Variants in CDYL2 observed in about 807,000 individuals in gnomAD.
The protein encoded by CDYL2 is chromodomain Y-like protein 2.
Under a neutral mutation model 49.4 loss-of-function variants are expected in CDYL2, and 23 were observed. That is an observed-to-expected ratio of 0.47 (90% confidence interval 0.34 to 0.66). The LOEUF (loss-of-function observed/expected upper bound fraction) is 0.66, where lower values mean the gene tolerates loss of function less well. Ranked by LOEUF, CDYL2 falls within the 30% of genes least tolerant of loss-of-function variation. The probability of loss-of-function intolerance (pLI) is 0.01; values close to 1 mark genes in which losing one functional copy is unlikely to be tolerated. For synonymous variants in CDYL2, 360 were observed against 268.8 expected (o/e 1.34, Z -3.32); for missense variants, 678 against 656.4 (o/e 1.03, Z -0.36).
In CDYL2 at chr16:80,741,184, A is replaced by G. The variant is rs144390951; in HGVS notation, c.25-56055T>C. On this transcript the variant is annotated intron_variant, in intron 1 of 6. Transcript: ENST00000570137. ...ATAATATATATATAACATGTACTAT[A>G]TAAGATGTGTGTATAAGAATTTTAT... is the stretch of plus-strand genomic sequence containing the variant. Among the ~76,000 whole-genome samples the G allele has an allele frequency of 1.3e-3, 202 of 149,634 alleles. 5 individuals carry two copies. In the East Asian group the frequency reaches 0.027, roughly 20 times the overall value.
At chr16:80,615,793 C>G (rs1906801594) in intron 4 of CDYL2, among the ~76,000 whole-genome samples, 1 of 152,152 alleles carries the variant, frequency 6.6e-6, no homozygotes, top group African/African-American at 2.4e-5. Context: ...CCTGTGTCAT[C>G]CAATCTGCCT....
At chr16:80,698,537 C>T (rs9928957) in intron 1 of CDYL2, among the ~76,000 whole-genome samples, 82,781 of 151,858 alleles carry the variant, frequency 0.55, 23,676 homozygotes, top group Middle Eastern at 0.71. Context: ...AAATCTCATG[C>T]TGAATTATAA....
In CDYL2 at chr16:80,777,259, C is replaced by G. The variant is rs78240420; in HGVS notation, c.24+26891G>C. On this transcript the variant is annotated intron_variant, in intron 1 of 6. Coordinates refer to ENST00000570137, the MANE Select transcript of CDYL2 (RefSeq NM_152342.4). ...GATGTCCTTTTTTAAAACTATGTGT[C>G]GAGTACACTCAATATGATTATTAAA... is the stretch of plus-strand genomic sequence containing the variant. Among the ~76,000 whole-genome samples, 711 of 151,858 alleles carry G rather than the reference C, an allele frequency of 4.7e-3. 3 individuals are homozygous for G. The highest frequency in any genetic ancestry group is 7.3e-3 in the Non-Finnish European group (496 of 67,956).
intron 2 of CDYL2, among the ~76,000 whole-genome samples, chr16:80,643,699 G>A (rs1908206395): frequency 6.6e-6 from 1 of 152,240 alleles, no homozygotes; most frequent in African/African-American, 2.4e-5. Context: ...TGCACCCTCT[G>A]AAGCCATGGC....
chr16:80,628,558 A>G (rs1323800131), intron 3 of CDYL2, among the ~76,000 whole-genome samples: 5 of 152,210 alleles, frequency 3.3e-5, no homozygotes, highest in Non-Finnish European at 1.5e-5. Flanking sequence ...GCCTTGTAAG[A>G]GACCTTGAGC....
chr16:80,693,344 T>C (rs577731154), intron 1 of CDYL2, among the ~76,000 whole-genome samples: 13 of 152,036 alleles, frequency 8.6e-5, no homozygotes, highest in Admixed American at 6.6e-5. Context: ...AGAGGAAATA[T>C]GCATTTCAAA....
At chr16:80,686,699 T>C (rs1380854014) in intron 1 of CDYL2, among the ~76,000 whole-genome samples, 1 of 152,258 alleles carries the variant, frequency 6.6e-6, no homozygotes, top group Non-Finnish European at 1.5e-5. Flanking sequence ...GTCTCATCAA[T>C]GGCTTTTGCA....
At chr16:80,667,429 G>T (rs116205349) in intron 2 of CDYL2, among the ~76,000 whole-genome samples, 1 of 152,110 alleles carries the variant, frequency 6.6e-6, no homozygotes, top group Non-Finnish European at 1.5e-5. Context: ...TTTTTCCTCA[G>T]TCATTTCGGC....
intron 2 of CDYL2, among the ~76,000 whole-genome samples, chr16:80,674,469 C>T (rs1370394767): frequency 6.6e-6 from 1 of 152,016 alleles, no homozygotes; most frequent in Non-Finnish European, 1.5e-5. Context: ...ATTTATTTTA[C>T]ATACTATAAA....
chr16:80,703,006 T>C (rs1044290176), intron 1 of CDYL2, among the ~76,000 whole-genome samples: 16 of 152,074 alleles, frequency 1.1e-4, no homozygotes, highest in Non-Finnish European at 1.9e-4. Flanking sequence ...TTTATTAGAG[T>C]ATTAGCTCAA....
intron 3 of CDYL2, among the ~76,000 whole-genome samples, chr16:80,626,854 A>G (rs574591212): frequency 1.3e-5 from 2 of 152,338 alleles, no homozygotes; most frequent in East Asian, 3.9e-4. Flanking sequence ...TGCACCAGGA[A>G]TTTTATTCCA....
intron 2 of CDYL2, among the ~76,000 whole-genome samples, chr16:80,673,860 G>C (rs1214251198): frequency 1.3e-5 from 2 of 152,170 alleles, no homozygotes; most frequent in Non-Finnish European, 2.9e-5. Flanking sequence ...ATAAGTCCTT[G>C]TAAGAGGGAG....
intron 2 of CDYL2, among the ~76,000 whole-genome samples, chr16:80,651,122 T>G (rs549054464): frequency 1.3e-5 from 2 of 152,308 alleles, no homozygotes; most frequent in Admixed American, 6.5e-5. Flanking sequence ...GGATTGTTTG[T>G]AACACAAGGA....
intron 2 of CDYL2, among the ~76,000 whole-genome samples, chr16:80,674,844 C>T (rs1460016661): frequency 1.3e-5 from 2 of 152,116 alleles, no homozygotes; most frequent in East Asian, 3.8e-4. Flanking sequence ...GATCTTTGTC[C>T]TTTTTTTGCC....
intron 2 of CDYL2, among the ~76,000 whole-genome samples, chr16:80,633,721 C>CA (rs953737228): frequency 2.6e-5 from 4 of 152,128 alleles, no homozygotes; most frequent in Non-Finnish European, 4.4e-5. Flanking sequence ...CTGGGACCCC[C>CA]CTAGGGCTTC....
At chr16:80,670,859 C>T (rs1286661484) in intron 2 of CDYL2, 1 of 455,172 alleles carries the variant, frequency 2.2e-6, no homozygotes, top group Admixed American at 2.4e-5. Context: ...AAAAGGGGCT[C>T]TATACACAGC....
At chr16:80,749,936 G>A (rs1906073056) in intron 1 of CDYL2, among the ~76,000 whole-genome samples, 1 of 152,062 alleles carries the variant, frequency 6.6e-6, no homozygotes, top group Non-Finnish European at 1.5e-5. Flanking sequence ...TCCTTTGTAG[G>A]GACATGGATG....
chr16:80,705,695 G>A (rs139027936), intron 1 of CDYL2, among the ~76,000 whole-genome samples: 127 of 152,372 alleles, frequency 8.3e-4, no homozygotes, highest in African/African-American at 2.9e-3. Flanking sequence ...TTTAGGCTTT[G>A]AAGGCCACAT....
At chr16:80,654,878 C>CTTCG (rs1908738352) in intron 2 of CDYL2, among the ~76,000 whole-genome samples, 1 of 152,212 alleles carries the variant, frequency 6.6e-6, no homozygotes, top group South Asian at 2.1e-4. Context: ...AGAGTAAACA[C>CTTCG]GAGTGTCTAA....
Sources: allele counts gnomAD v4.1 joint callset (sites outside exome capture counted in the v4.1 genomes callset), GRCh38; gene constraint gnomAD v4.1.1; transcripts MANE v1.5; gene names NCBI Gene and HGNC (gene_info 2026-07-23, HGNC 2026-07-21).